ABL1: variants seen among roughly 807,000 people sequenced by gnomAD.
The protein encoded by ABL1 is tyrosine-protein kinase ABL1.
In ABL1, 11 loss-of-function variants were observed where a neutral mutation model predicts 94.7. The observed-to-expected ratio is 0.12, with a 90% CI of 0.07 to 0.19. ABL1 has a LOEUF of 0.19. Ranked by LOEUF, ABL1 falls within the 10% of genes least tolerant of loss-of-function variation. ABL1 has a pLI of 1.00. For missense variants in ABL1, 1,082 were observed against 1,489.4 expected, an observed-to-expected ratio of 0.73 and a Z score of 4.50; for synonymous variants, 656 against 622.4, an observed-to-expected ratio of 1.05 and a Z score of -0.80.
At chr9:130,789,563 C>G (rs11244141) in intron 1 of ABL1, among the ~76,000 whole-genome samples, 2,586 of 152,184 alleles carry the variant, frequency 0.017, 80 homozygotes, top group African/African-American at 0.058. Flanking sequence ...AACAAGATAT[C>G]ATGCGCAAGA....
intron 1 of ABL1, among the ~76,000 whole-genome samples, chr9:130,753,953 C>T (rs2132734093): frequency 6.6e-6 from 1 of 152,070 alleles, no homozygotes; most frequent in South Asian, 2.1e-4. Flanking sequence ...CGCCTGTAAT[C>T]CCAGCACTTT....
At chr9:130,765,388 C>G (rs1339229753) in intron 1 of ABL1, among the ~76,000 whole-genome samples, 3 of 152,168 alleles carry the variant, frequency 2.0e-5, no homozygotes, top group Non-Finnish European at 4.4e-5. Flanking sequence ...ACATGGAAAT[C>G]CTTGTGGTGT....
At chr9:130,767,438 T>C (rs1832198153) in intron 1 of ABL1, among the ~76,000 whole-genome samples, 1 of 152,204 alleles carries the variant, frequency 6.6e-6, no homozygotes. Flanking sequence ...GTTCAAGCGA[T>C]TCTTGTGCCT....
At chr9:130,813,585 A>G (rs13301064) in intron 1 of ABL1, among the ~76,000 whole-genome samples, 1 of 148,738 alleles carries the variant, frequency 6.7e-6, no homozygotes, top group Non-Finnish European at 1.5e-5. Flanking sequence ...AAAAAAAAAA[A>G]GAAAGTATGA....
chr9:130,802,240 C>T (rs1830065530), intron 1 of ABL1, among the ~76,000 whole-genome samples: 1 of 152,028 alleles, frequency 6.6e-6, no homozygotes, highest in African/African-American at 2.4e-5. Context: ...ACCACAGGCA[C>T]GTGCCACCAC....
intron 1 of ABL1, among the ~76,000 whole-genome samples, chr9:130,759,186 A>C (rs149053016): frequency 1.0e-3 from 156 of 152,282 alleles, no homozygotes; most frequent in African/African-American, 3.6e-3. Flanking sequence ...AATTTGCTTC[A>C]AATGCCAAAT....
At chr9:130,860,245 T>C (rs72765068) in intron 3 of ABL1, among the ~76,000 whole-genome samples, 7,898 of 152,266 alleles carry the variant, frequency 0.052, 404 homozygotes, top group African/African-American at 0.13. Flanking sequence ...ACGGGGAAGA[T>C]GGCTGTGAAC....
Position 130,748,661 on chromosome 9 carries a change from C to A in ABL1, c.136+34206C>A, listed in dbSNP as rs367826521. Among the ~76,000 whole-genome samples, 49 of 151,882 alleles carry A rather than the reference C, an allele frequency of 3.2e-4. 1 individual carries two copies. Among genetic ancestry groups the A allele is most frequent in the African/African-American group, 1.2e-3 (49 of 41,420 alleles). ...CGTGATCTTGGCTCACTGCAACCTT[C>A]GCCTCCCGGGTTCAAGCAGTTCTTC... On this transcript the variant is annotated intron_variant, in intron 1 of 10. Coordinates refer to the ABL1 transcript ENST00000372348.
rs1408803474 is a variant in ABL1, at chr9:130,874,913, G to A, written c.1131G>A (p.Val377=). 2 of 1,614,214 alleles carry A rather than the reference G, an allele frequency of 1.2e-6. No homozygotes were observed. Among genetic ancestry groups the A allele is most frequent in the Admixed American group, 1.7e-5 (1 of 60,036 alleles). Reference sequence around the variant, plus strand: ...GCCTGGTAGGGGAGAACCACTTGGTGAAGGTAGCTGATTTTGGCCTGAGCA... The same window carrying A: ...GCCTGGTAGGGGAGAACCACTTGGTAAAGGTAGCTGATTTTGGCCTGAGCA... ...RNCLVGENHL[V]KVADFGLSRL... Residue 377 remains valine, a synonymous_variant, in exon 7 of 11, where the codon GTG becomes GTA. Coordinates refer to ENST00000318560, the MANE Select transcript of ABL1 (RefSeq NM_005157.6).
rs1408942983 is a variant in ABL1 at position 130,814,825 on chromosome 9, C to T, written c.137-39239C>T. 1.3e-5 allele frequency among the ~76,000 whole-genome samples: 2 copies of T among 150,080 alleles called. No individual in the cohort carries two copies. The highest frequency in any genetic ancestry group is 4.9e-5 in the African/African-American group (2 of 40,718). On this transcript the variant is annotated intron_variant, in intron 1 of 10. Transcript: ENST00000372348. This position sits in a 1 kb window ranked among gnomAD's most constrained non-coding sequence, Gnocchi z 4.4. Reference sequence around the variant, plus strand: ...CTGGGAGGCGGAGCTTGCAGTGAGCCGAGATTGCACCACTGCACTCCAGCC... The same window carrying T: ...CTGGGAGGCGGAGCTTGCAGTGAGCTGAGATTGCACCACTGCACTCCAGCC...
Position 130,885,146 on chromosome 9 carries a change from A to G in ABL1, c.2856A>G (p.Gly952=). The G allele has an allele frequency of 6.2e-7, 1 of 1,613,072 alleles. No individual in the cohort carries two copies. The highest frequency in any genetic ancestry group is 1.1e-5 in the South Asian group (1 of 91,052). The change falls in exon 11 of 11, where the codon GGA becomes GGG. Residue 952 remains glycine (G), a synonymous_variant. Transcript: ENST00000318560. The part of the protein sequence containing the change: ...NSDAAKPSQP[G]EGLKKPVLPA... ...ACGCTGCCAAGCCCAGCCAGCCGGG[A>G]GAGGGCCTCAAAAAGCCCGTGCTCC...
intron 4 of ABL1, among the ~76,000 whole-genome samples, chr9:130,866,908 T>C (rs1288324903): frequency 6.6e-6 from 1 of 152,194 alleles, no homozygotes; most frequent in African/African-American, 2.4e-5. Flanking sequence ...AACTCCTGGC[T>C]CAAGCAGTCC....
chr9:130,756,228 C>T (rs922846337), intron 1 of ABL1, among the ~76,000 whole-genome samples: 2 of 152,092 alleles, frequency 1.3e-5, no homozygotes, highest in East Asian at 1.9e-4. Flanking sequence ...CCCTTTTCTC[C>T]TTGACATTTG....
At chr9:130,748,917 T>G (rs887334830) in intron 1 of ABL1, among the ~76,000 whole-genome samples, 3 of 152,228 alleles carry the variant, frequency 2.0e-5, no homozygotes, top group Non-Finnish European at 2.9e-5. Context: ...CTCTAAATTA[T>G]GCTTATTTAC....
chr9:130,773,966 G>A (rs137856413), intron 1 of ABL1, among the ~76,000 whole-genome samples: 211 of 151,858 alleles, frequency 1.4e-3, no homozygotes, highest in African/African-American at 4.7e-3. Context: ...CCTCCTTCCC[G>A]GTCCAATACT....
intron 1 of ABL1, among the ~76,000 whole-genome samples, chr9:130,756,179 G>A (rs899200300): frequency 2.0e-5 from 3 of 152,272 alleles, no homozygotes; most frequent in African/African-American, 4.8e-5. Flanking sequence ...TACTGATTTA[G>A]AAAGGCAGTT....
rs75442239 is a variant in ABL1 at position 130,806,189 on chromosome 9, A to T, written c.137-47875A>T. On this transcript the variant is annotated intron_variant, in intron 1 of 10. Transcript: ENST00000372348. ...ATCCCAGCAAACTCTTCAATGGTAG[A>T]TATCTGTCACCATCCTTAGGAGGTA... Among the ~76,000 whole-genome samples, 82 of 152,324 alleles carry T rather than the reference A, an allele frequency of 5.4e-4. 2 individuals are homozygous for T. The East Asian group carries it at 0.015, about 28-fold the overall frequency.
At chr9:130,857,182 G>A (rs550070686) in intron 3 of ABL1, among the ~76,000 whole-genome samples, 3 of 152,266 alleles carry the variant, frequency 2.0e-5, no homozygotes, top group East Asian at 1.9e-4. Context: ...TGCGTTGCAC[G>A]TGCTTCTTTA....
intron 1 of ABL1, among the ~76,000 whole-genome samples, chr9:130,787,871 C>T (rs995915991): frequency 1.3e-5 from 2 of 152,162 alleles, no homozygotes; most frequent in African/African-American, 4.8e-5. Context: ...CCCATTTCTC[C>T]TTGGAGGGAT....
Sources: allele counts gnomAD v4.1 joint callset (sites outside exome capture counted in the v4.1 genomes callset), GRCh38; gene constraint gnomAD v4.1.1; non-coding constraint Gnocchi (gnomAD v3.1); transcripts MANE v1.5; gene names NCBI Gene and HGNC (gene_info 2026-07-23, HGNC 2026-07-21).